DPYD: variants seen among roughly 807,000 people sequenced by gnomAD.
The protein encoded by DPYD is dihydropyrimidine dehydrogenase.
In DPYD, 109 loss-of-function variants were observed where a neutral mutation model predicts 116.2. That is an observed-to-expected ratio of 0.94 (90% CI 0.80 to 1.10). The LOEUF is 1.10. Among genes scored for constraint, DPYD ranks in the 50% least tolerant of loss-of-function variants. The pLI, the probability that DPYD is intolerant of heterozygous loss-of-function variation, is 0.00. For synonymous variants in DPYD, 440 were observed against 432.0 expected, an observed-to-expected ratio of 1.02 and a Z score of -0.23; for missense variants, 1,302 against 1,254.5, an observed-to-expected ratio of 1.04 and a Z score of -0.57.
At chr1:97,609,286 A>G (rs1655789835) in intron 8 of DPYD, among the ~76,000 whole-genome samples, 1 of 151,972 alleles carries the variant, frequency 6.6e-6, no homozygotes, top group Non-Finnish European at 1.5e-5. Context: ...AATGAAGTCT[A>G]GTTCAATCAG....
intron 18 of DPYD, among the ~76,000 whole-genome samples, chr1:97,245,123 G>A (rs924263359): frequency 2.6e-5 from 4 of 152,078 alleles, no homozygotes; most frequent in South Asian, 2.1e-4. Flanking sequence ...TTATTCACTC[G>A]TTATTTATAT....
intron 12 of DPYD, among the ~76,000 whole-genome samples, chr1:97,525,789 AGT>A (rs1276137474): frequency 9.1e-5 from 13 of 142,704 alleles, no homozygotes; most frequent in Non-Finnish European, 1.8e-4. Context: ...AGAGAGAGAG[AGT>A]GTGTGTGTGT....
At chr1:97,315,262 C>A (rs1570495212) in intron 16 of DPYD, among the ~76,000 whole-genome samples, 1 of 151,850 alleles carries the variant, frequency 6.6e-6, no homozygotes, top group East Asian at 2.0e-4. Flanking sequence ...TTTAGGTGTG[C>A]CTCGCTTTTA....
chr1:97,741,754 C>T (rs374410542), intron 3 of DPYD, among the ~76,000 whole-genome samples: 1 of 152,092 alleles, frequency 6.6e-6, no homozygotes, highest in Non-Finnish European at 1.5e-5. Flanking sequence ...GAAGTACAGA[C>T]ACAGAAAAAG....
intron 14 of DPYD, among the ~76,000 whole-genome samples, chr1:97,401,992 C>A (rs1482937108): frequency 6.6e-6 from 1 of 152,040 alleles, no homozygotes; most frequent in African/African-American, 2.4e-5. Flanking sequence ...TTTGTCTATT[C>A]TTTAACCAAT....
intron 3 of DPYD, among the ~76,000 whole-genome samples, chr1:97,795,064 T>C (rs903737234): frequency 6.6e-6 from 1 of 152,084 alleles, no homozygotes; most frequent in African/African-American, 2.4e-5. Flanking sequence ...ATTTTACTTA[T>C]TTCCAAAATA....
chr1:97,396,607 C>T (rs1029835376), intron 14 of DPYD, among the ~76,000 whole-genome samples: 11 of 151,958 alleles, frequency 7.2e-5, no homozygotes, highest in Non-Finnish European at 1.5e-4. Context: ...GCTTCCTGAC[C>T]ATTACTGCAT....
At chr1:97,356,276 T>G (rs1453252782) in intron 16 of DPYD, among the ~76,000 whole-genome samples, 2 of 152,228 alleles carry the variant, frequency 1.3e-5, no homozygotes, top group African/African-American at 4.8e-5. Context: ...TTATTCAAAC[T>G]ATTTCTTTTC....
chr1:97,807,724 C>T (rs1668140257), intron 3 of DPYD, among the ~76,000 whole-genome samples: 1 of 152,100 alleles, frequency 6.6e-6, no homozygotes, highest in Non-Finnish European at 1.5e-5. Context: ...AATCCAATAA[C>T]ATCTATATTT....
At chr1:97,886,212 T>C (rs1672477528) in intron 1 of DPYD, among the ~76,000 whole-genome samples, 1 of 152,016 alleles carries the variant, frequency 6.6e-6, no homozygotes, top group Non-Finnish European at 1.5e-5. Context: ...CAGATGGGTA[T>C]AGCTCAAAAC....
chr1:97,200,766 CAG>C (rs2101843297), intron 19 of DPYD, among the ~76,000 whole-genome samples: 1 of 152,258 alleles, frequency 6.6e-6, no homozygotes, highest in East Asian at 1.9e-4. Context: ...TTCCTCATTT[CAG>C]AGATCAGGAG....
intron 22 of DPYD, 38 bp downstream of exon 22, chr1:97,082,292 C>T (rs1363103705): frequency 8.7e-6 from 14 of 1,612,490 alleles, no homozygotes; most frequent in Admixed American, 1.7e-5. Context: ...CAAGAAGAAA[C>T]ATGTCTCATA....
rs532255906 is a variant in DPYD, at chr1:97,258,518, T to G, written c.2300-23524A>C. ...ACCTGCTTAAGTTGACTTTTGCTCC[T>G]TCTTTGTCTCATATTTCCTCCTCCC... On this transcript the variant is annotated intron_variant, in intron 18 of 22. Coordinates refer to ENST00000370192, the MANE Select transcript of DPYD (RefSeq NM_000110.4). Among the ~76,000 whole-genome samples the G allele has an allele frequency of 1.5e-4, 23 of 152,308 alleles. No homozygotes were observed. The South Asian group carries it at 4.6e-3, about 30-fold the overall frequency.
At chr1:97,371,744 T>C (rs907536201) in intron 16 of DPYD, among the ~76,000 whole-genome samples, 1 of 152,242 alleles carries the variant, frequency 6.6e-6, no homozygotes, top group African/African-American at 2.4e-5. Context: ...TTCAATCATA[T>C]AATTTACAAG....
At chr1:97,639,685 T>C (rs1218371475) in intron 8 of DPYD, among the ~76,000 whole-genome samples, 1 of 152,136 alleles carries the variant, frequency 6.6e-6, no homozygotes, top group African/African-American at 2.4e-5. Flanking sequence ...CCTTCAGCGT[T>C]ATAAGGGTGT....
At chr1:97,361,107 A>G (rs1670701530) in intron 16 of DPYD, among the ~76,000 whole-genome samples, 2 of 152,208 alleles carry the variant, frequency 1.3e-5, no homozygotes, top group African/African-American at 4.8e-5. Context: ...ACACAATAAT[A>G]AATGATAAAG....
At chr1:97,312,450 T>C (rs959420062) in intron 16 of DPYD, among the ~76,000 whole-genome samples, 3 of 151,860 alleles carry the variant, frequency 2.0e-5, no homozygotes, top group African/African-American at 7.2e-5. Context: ...TCAAAATATG[T>C]GTACAAAGAT....
At chr1:97,101,655 G>A (rs994236560) in intron 20 of DPYD, among the ~76,000 whole-genome samples, 1 of 152,048 alleles carries the variant, frequency 6.6e-6, no homozygotes, top group African/African-American at 2.4e-5. Flanking sequence ...TATTGCAGGA[G>A]GAGAAGCAGC....
chr1:97,570,233 A>C (rs1212199483), intron 11 of DPYD, among the ~76,000 whole-genome samples: 1 of 151,962 alleles, frequency 6.6e-6, no homozygotes, highest in East Asian at 1.9e-4. Context: ...TAGCTTTTCA[A>C]GTTCTTATTA....
Sources: gnomAD v4.1 joint callset for allele counts (sites outside exome capture counted in the v4.1 genomes callset) on GRCh38, gnomAD v4.1.1 for gene constraint, MANE v1.5 for transcripts, NCBI Gene and HGNC (gene_info 2026-07-23, HGNC 2026-07-21) for gene names.